PPP2R5C: variants seen among roughly 807,000 people sequenced by gnomAD.
PPP2R5C encodes the protein protein phosphatase 2 regulatory subunit B'gamma.
PPP2R5C carries 7 observed loss-of-function variants against 68.9 expected under a neutral mutation model. That is an observed-to-expected ratio of 0.10 (90% CI 0.06 to 0.19). The LOEUF (loss-of-function observed/expected upper bound fraction) is 0.19. Among genes scored for constraint, PPP2R5C ranks in the 10% least tolerant of loss-of-function variants. PPP2R5C has a pLI of 1.00. For synonymous variants in PPP2R5C, 210 were observed against 222.2 expected (o/e 0.95, Z 0.49); for missense variants, 348 against 641.3 (o/e 0.54, Z 4.94).
At chr14:101,820,788 T>C (rs1464370681) in intron 1 of PPP2R5C, 2 of 152,208 alleles carry the variant, frequency 1.3e-5, no homozygotes, top group Non-Finnish European at 2.9e-5. Context: ...TTCTCGCTGG[T>C]TTCTTTTTGA....
chr14:101,876,940 C>CTTTT (rs11318528), intron 2 of PPP2R5C, among the ~76,000 whole-genome samples: 3 of 90,892 alleles, frequency 3.3e-5, no homozygotes, highest in African/African-American at 4.9e-5. Context: ...AGGATTTACG[C>CTTTT]TTTTTTTTTT....
At chr14:101,805,089 T>C (rs1380307162), upstream of PPP2R5C, among the ~76,000 whole-genome samples, 1 of 152,214 alleles carries the variant, frequency 6.6e-6, no homozygotes, top group Non-Finnish European at 1.5e-5. Flanking sequence ...CACTGTTTTT[T>C]GTTTTTTAGG....
intron 1 of PPP2R5C, among the ~76,000 whole-genome samples, chr14:101,821,934 G>A (rs1171631745): frequency 6.6e-6 from 1 of 151,946 alleles, no homozygotes; most frequent in African/African-American, 2.4e-5. Context: ...CTGGAAATGT[G>A]GAATTTTGTT....
chr14:101,864,142 C>T (rs1351678043), intron 2 of PPP2R5C, among the ~76,000 whole-genome samples: 2 of 152,174 alleles, frequency 1.3e-5, no homozygotes, highest in Non-Finnish European at 2.9e-5. Context: ...CTTTTATAGA[C>T]TCAATAAATA....
At position 101,798,153 on chromosome 14, in the gene PPP2R5C, TA is replaced by T. The variant is rs781608022; in HGVS notation, c.259+11984del. ...ATCCGTGCTCATATAGTTTCCAGTT[TA>T]AAAAAAAAAAAAAGTGCTGGCCAGC... On this transcript the variant is annotated intron_variant, in intron 3 of 14. Coordinates refer to the PPP2R5C transcript ENST00000328724. 5.5e-3 allele frequency among the ~76,000 whole-genome samples: 788 copies of T among 143,322 alleles called. 3 individuals are homozygous for T. The highest frequency in any genetic ancestry group is 0.011 in the African/African-American group (436 of 39,364). The allele number at this position is 143,322 out of a possible 152,430, so 94.0% of individuals were successfully genotyped here.
At chr14:101,833,243 G>A (rs2040863161) in intron 1 of PPP2R5C, among the ~76,000 whole-genome samples, 1 of 152,258 alleles carries the variant, frequency 6.6e-6, no homozygotes, top group Admixed American at 6.5e-5. Context: ...CCCTCGGCCA[G>A]CCGTGGCCAG....
chr14:101,837,483 C>T (rs918321472), intron 1 of PPP2R5C, among the ~76,000 whole-genome samples: 9 of 152,166 alleles, frequency 5.9e-5, no homozygotes, highest in Non-Finnish European at 1.2e-4. Context: ...TATATACTAG[C>T]TTACAGAGGA....
At chr14:101,909,425 G>T (rs2046262948) in intron 10 of PPP2R5C, among the ~76,000 whole-genome samples, 164 bp from the exon 13 acceptor site, 1 of 152,164 alleles carries the variant, frequency 6.6e-6, no homozygotes, top group Admixed American at 6.6e-5. Context: ...GGGATGTGTG[G>T]CTGTCAGAAA....
intron 11 of PPP2R5C, 122 bp downstream of exon 13, chr14:101,909,812 T>C: frequency 1.7e-6 from 1 of 577,340 alleles, no homozygotes. Flanking sequence ...AAGCCTTTCA[T>C]ACTTGGAAAG....
At position 101,835,194 on chromosome 14, in the gene PPP2R5C, AGCTGG is replaced by A. The variant is rs2041008565; in HGVS notation, c.95-21490_95-21486del. On this transcript the variant is annotated intron_variant, in intron 1 of 13. Coordinates refer to ENST00000334743, the Ensembl canonical transcript of PPP2R5C. This position sits in a 1 kb window ranked among gnomAD's most constrained non-coding sequence, Gnocchi z 5.0. The stretch of plus-strand genomic sequence containing the variant: ...ATGGCGGTGGGAGCATGGGCTGCTC[AGCTGG>A]GGCCATCCAAGGAAGCAAAGATGTG... Among the ~76,000 whole-genome samples the A allele has an allele frequency of 6.6e-6, 1 of 152,186 alleles. No homozygotes were observed. The highest frequency in any genetic ancestry group is 6.5e-5 in the Admixed American group (1 of 15,272).
chr14:101,782,181 CCT>C (rs1487697950), intron 2 of PPP2R5C, among the ~76,000 whole-genome samples: 2 of 41,768 alleles, frequency 4.8e-5, no homozygotes, highest in South Asian at 2.8e-3. Context: ...CCTCCCCCTC[CCT>C]CTCTTTCCTC....
At chr14:101,873,603 T>C (rs2043564979) in intron 2 of PPP2R5C, among the ~76,000 whole-genome samples, 1 of 152,200 alleles carries the variant, frequency 6.6e-6, no homozygotes, top group Admixed American at 6.5e-5. Context: ...TCACTAATCC[T>C]TTCAGGTGGT....
chr14:101,761,255 C>T (rs139678919), upstream of PPP2R5C, among the ~76,000 whole-genome samples: 863 of 152,326 alleles, frequency 5.7e-3, 4 homozygotes, highest in Non-Finnish European at 9.4e-3. Flanking sequence ...TCGCGTTTCG[C>T]CGGCTGCAGA....
intron 1 of PPP2R5C, among the ~76,000 whole-genome samples, chr14:101,831,423 A>G (rs1195629301): frequency 6.6e-6 from 1 of 152,218 alleles, no homozygotes; most frequent in Non-Finnish European, 1.5e-5. Context: ...TCAGCTTTTG[A>G]ATGGAGCTAT....
exon 14 of PPP2R5C, chr14:101,925,416 A>T: frequency 7.4e-7 from 1 of 1,357,658 alleles, no homozygotes; most frequent in Non-Finnish European, 9.7e-7. Flanking sequence ...CGTCCGCCTC[A>T]GCGCGAGATT....
chr14:101,846,756 G>A (rs992236333), intron 1 of PPP2R5C, among the ~76,000 whole-genome samples: 1 of 152,154 alleles, frequency 6.6e-6, no homozygotes, highest in Non-Finnish European at 1.5e-5. Flanking sequence ...TGGGTTCATG[G>A]GCTGTAGCTA....
chr14:101,781,903 T>A lies in PPP2R5C; in HGVS notation c.94-4115T>A, dbSNP rs114089116. On this transcript the variant is annotated intron_variant, in intron 2 of 14. Transcript: ENST00000328724. This position sits in a 1 kb window ranked among gnomAD's most constrained non-coding sequence, Gnocchi z 6.4. ...CGGAGCGGCACCCAGGAGCCCGCCC[T>A]AGCACCCGCTCCCGCTCCCACCTCG... Among the ~76,000 whole-genome samples the A allele has an allele frequency of 1.3e-5, 2 of 151,520 alleles. No individual in the cohort carries two copies. The highest frequency in any genetic ancestry group is 4.9e-5 in the African/African-American group (2 of 41,160).
chr14:101,901,549 C>T (rs2141027407), intron 8 of PPP2R5C, among the ~76,000 whole-genome samples, 170 bp from the exon 11 acceptor site: 1 of 152,332 alleles, frequency 6.6e-6, no homozygotes. Flanking sequence ...TTCTCAAATA[C>T]AGAAAATCAC....
intron 2 of PPP2R5C, among the ~76,000 whole-genome samples, chr14:101,860,712 C>T (rs977955903): frequency 1.3e-5 from 2 of 152,184 alleles, no homozygotes; most frequent in Non-Finnish European, 2.9e-5. Flanking sequence ...TTATTACAGC[C>T]GTCCTAGTGG....
Sources: gnomAD v4.1 joint callset for allele counts (sites outside exome capture counted in the v4.1 genomes callset) on GRCh38, gnomAD v4.1.1 for gene constraint, Gnocchi (gnomAD v3.1) non-coding constraint, MANE v1.5 for transcripts, NCBI Gene and HGNC (gene_info 2026-07-23, HGNC 2026-07-21) for gene names.